SCML4: variants seen among roughly 807,000 people sequenced by gnomAD.
SCML4 encodes sex comb on midleg-like protein 4.
SCML4 carries 34 observed loss-of-function variants against 41.1 expected under a neutral mutation model. That is an observed-to-expected ratio of 0.83 (90% confidence interval 0.63 to 1.10). The LOEUF is 1.10. SCML4 is among the 50% of genes least tolerant of loss of function. The probability of loss-of-function intolerance (pLI) is 0.00; values close to 1 mark genes in which losing one functional copy is unlikely to be tolerated. For synonymous variants in SCML4, 214 were observed against 220.9 expected, an observed-to-expected ratio of 0.97 and a Z score of 0.28; for missense variants, 522 against 534.1, an observed-to-expected ratio of 0.98 and a Z score of 0.22.
At chr6:107,756,718 TTC>T (rs1377409861) in intron 2 of SCML4, among the ~76,000 whole-genome samples, 3 of 152,204 alleles carry the variant, frequency 2.0e-5, no homozygotes, top group African/African-American at 7.2e-5. Flanking sequence ...TACGTGAGAA[TTC>T]TCTGTTTTAT....
rs79289955 is a variant in SCML4, at chr6:107,812,640, G to A, written c.-60+11486C>T. On this transcript the variant is annotated intron_variant, in intron 1 of 7. Coordinates refer to ENST00000369020, the MANE Select transcript of SCML4 (RefSeq NM_198081.5). ...AAAAGAACAAAAAGGCTGACCCTCC[G>A]TGGGGTAAGAGGGACCTCCCCCTGC... is the stretch of plus-strand genomic sequence containing the variant. Among the ~76,000 whole-genome samples the A allele has an allele frequency of 5.9e-5, 9 of 152,262 alleles. No homozygotes were observed. In the East Asian group the frequency reaches 1.2e-3, roughly 20 times the overall value.
At chr6:107,767,012 A>G (rs920375214) in intron 2 of SCML4, among the ~76,000 whole-genome samples, 2 of 148,308 alleles carry the variant, frequency 1.3e-5, no homozygotes, top group Non-Finnish European at 3.0e-5. Context: ...GCGCAGTGGC[A>G]TGATCTCGGC....
In SCML4 at chr6:107,782,511, C is replaced by T. The variant is rs150808871; in HGVS notation, c.-59-10125G>A. Among the ~76,000 whole-genome samples the T allele has an allele frequency of 6.5e-4, 99 of 152,364 alleles. 1 individual carries two copies. The highest frequency in any genetic ancestry group is 6.8e-3 in the Middle Eastern group (2 of 294). On this transcript the variant is annotated intron_variant, in intron 1 of 7. Transcript: ENST00000369020. ...CTTACCCGGCACTGTGGAGATTGCA[C>T]GTGGGGCCCTGGGCTGTTTCCCTCA...
At chr6:107,749,421 G>A (rs1226347635) in intron 3 of SCML4, among the ~76,000 whole-genome samples, 3 of 152,102 alleles carry the variant, frequency 2.0e-5, no homozygotes, top group African/African-American at 7.2e-5. Flanking sequence ...GTGCCCCGCT[G>A]TCATCCACCT....
intron 5 of SCML4, among the ~76,000 whole-genome samples, chr6:107,721,540 A>T (rs1039612028): frequency 6.6e-6 from 1 of 152,080 alleles, no homozygotes; most frequent in Non-Finnish European, 1.5e-5. Context: ...AGAAAAAAAA[A>T]AAGAGTAAGA....
intron 1 of SCML4, among the ~76,000 whole-genome samples, chr6:107,804,067 G>GA (rs55853946): frequency 1.6e-4 from 21 of 127,338 alleles, no homozygotes; most frequent in African/African-American, 2.9e-4. Flanking sequence ...AAAAGAAAAA[G>GA]AAAAAAAAAA....
chr6:107,736,938 T>C (rs1777130464), intron 5 of SCML4, among the ~76,000 whole-genome samples: 1 of 152,210 alleles, frequency 6.6e-6, no homozygotes, highest in Non-Finnish European at 1.5e-5. Flanking sequence ...TCAGCAAAAG[T>C]AAACAATCTG....
intron 6 of SCML4, among the ~76,000 whole-genome samples, chr6:107,713,547 C>A (rs1728128): frequency 0.75 from 114,316 of 152,198 alleles, 43,129 homozygotes; most frequent in Admixed American, 0.81. Context: ...TCATTCTCTA[C>A]GGACCTCATT....
At chr6:107,842,400 G>C in the SCML4 span, among the ~76,000 whole-genome samples, 1 of 152,180 alleles carries the variant, frequency 6.6e-6, no homozygotes, top group African/African-American at 2.4e-5. Flanking sequence ...TTGCTGAGTA[G>C]AGTATTGTAT....
chr6:107,708,687 T>C (rs1656955193), intron 6 of SCML4, among the ~76,000 whole-genome samples: 1 of 152,040 alleles, frequency 6.6e-6, no homozygotes, highest in South Asian at 2.1e-4. Flanking sequence ...TGCCCGGGTC[T>C]CCCCCACTGC....
intron 5 of SCML4, among the ~76,000 whole-genome samples, chr6:107,735,156 G>A (rs577539926): frequency 3.7e-4 from 57 of 152,302 alleles, no homozygotes; most frequent in East Asian, 1.9e-4. Flanking sequence ...GATTACAGGC[G>A]TGAGCCACCG....
the SCML4 span, among the ~76,000 whole-genome samples, chr6:107,835,973 C>T: frequency 2.6e-5 from 4 of 152,098 alleles, no homozygotes; most frequent in African/African-American, 9.7e-5. Flanking sequence ...CATCCTCCTA[C>T]AAGTCTATTT....
chr6:107,780,409 C>T (rs1450940067), intron 1 of SCML4, among the ~76,000 whole-genome samples: 1 of 152,120 alleles, frequency 6.6e-6, no homozygotes, highest in African/African-American at 2.4e-5. Flanking sequence ...TATTCTCCAC[C>T]ATAAATAAAT....
intron 1 of SCML4, among the ~76,000 whole-genome samples, chr6:107,789,796 G>A (rs1273828330): frequency 2.0e-5 from 3 of 152,234 alleles, no homozygotes; most frequent in African/African-American, 7.2e-5. Context: ...CCCCCGGGCT[G>A]TGGGCACTGA....
chr6:107,833,715 T>C, the SCML4 span, among the ~76,000 whole-genome samples: 3 of 152,304 alleles, frequency 2.0e-5, no homozygotes, highest in East Asian at 3.9e-4. Context: ...ATGATATTCA[T>C]ACTAAAAGGA....
At chr6:107,778,184 G>T (rs1437934844) in intron 1 of SCML4, among the ~76,000 whole-genome samples, 12 of 111,584 alleles carry the variant, frequency 1.1e-4, no homozygotes, top group African/African-American at 4.6e-4. Context: ...CAGAGTGAGC[G>T]AGACTCTATC....
At chr6:107,774,994 CTAAA>C (rs1241341831) in intron 1 of SCML4, among the ~76,000 whole-genome samples, 1 of 148,418 alleles carries the variant, frequency 6.7e-6, no homozygotes, top group Non-Finnish European at 1.5e-5. Context: ...GAGACTCCAT[CTAAA>C]AAAAAAAAAA....
At chr6:107,789,995 A>C (rs540065379) in intron 1 of SCML4, among the ~76,000 whole-genome samples, 1 of 152,390 alleles carries the variant, frequency 6.6e-6, no homozygotes, top group East Asian at 1.9e-4. Context: ...TGTCAAATCT[A>C]TACAGATGAC....
chr6:107,803,406 G>T (rs1401705468), intron 1 of SCML4, among the ~76,000 whole-genome samples: 2 of 141,400 alleles, frequency 1.4e-5, no homozygotes, highest in African/African-American at 2.9e-5. Flanking sequence ...CCGGCCAGCC[G>T]CCCCATCCGG....
Sources: allele counts gnomAD v4.1 joint callset (sites outside exome capture counted in the v4.1 genomes callset), GRCh38; gene constraint gnomAD v4.1.1; transcripts MANE v1.5; gene names NCBI Gene and HGNC (gene_info 2026-07-23, HGNC 2026-07-21).